ZYG11B: variants seen among roughly 807,000 people sequenced by gnomAD.
ZYG11B encodes zyg-11 family member B, cell cycle regulator.
ZYG11B carries 36 observed loss-of-function variants against 82.4 expected under a neutral mutation model. The ratio of observed to expected loss-of-function variants is 0.44; its 90% CI spans 0.33 to 0.58. The LOEUF (loss-of-function observed/expected upper bound fraction) is 0.58. Ranked by LOEUF, ZYG11B falls within the 20% of genes least tolerant of loss-of-function variation. ZYG11B has a pLI of 0.02. For missense variants in ZYG11B, 552 were observed against 895.6 expected (o/e 0.62, Z 4.90); for synonymous variants, 303 against 312.8 (o/e 0.97, Z 0.33).
intron 10 of ZYG11B, among the ~76,000 whole-genome samples, chr1:52,811,483 G>A (rs1645182366): frequency 6.6e-6 from 1 of 152,090 alleles, no homozygotes; most frequent in African/African-American, 2.4e-5. Context: ...TTTTGTGTGT[G>A]TGAATAGAGA....
At chr1:52,775,858 T>C (rs558519364) in intron 3 of ZYG11B, among the ~76,000 whole-genome samples, 5 of 150,906 alleles carry the variant, frequency 3.3e-5, no homozygotes, top group Admixed American at 6.6e-5. Flanking sequence ...AATATACTTA[T>C]AATTTGAGCA....
chr1:52,802,155 T>G lies in ZYG11B; in HGVS notation c.1695+16T>G, dbSNP rs749636834. On this transcript the variant is annotated intron_variant, in intron 10 of 13. Transcript: ENST00000294353. ...AGGACTTTTGGTAAGATATAAGCAC[T>G]TCCTGCTAAGTTCCAAGCTATATTT... The G allele has an allele frequency of 2.5e-6, 4 of 1,604,896 alleles. No individual in the cohort carries two copies. The Admixed American group carries it at 5.1e-5, about 21-fold the overall frequency.
chr1:52,786,477 G>A (rs147173150), intron 5 of ZYG11B, among the ~76,000 whole-genome samples: 36 of 152,194 alleles, frequency 2.4e-4, no homozygotes, highest in East Asian at 9.7e-4. Context: ...GGCCAGGCAC[G>A]GTGGCTCACG....
At chr1:52,744,198 A>G (rs1221084899) in intron 1 of ZYG11B, among the ~76,000 whole-genome samples, 1 of 152,116 alleles carries the variant, frequency 6.6e-6, no homozygotes. Context: ...CAGCCTCTCA[A>G]AGTGCTGGGA....
At chr1:52,815,838 G>C (rs1035450934) in intron 12 of ZYG11B, among the ~76,000 whole-genome samples, 4 of 152,084 alleles carry the variant, frequency 2.6e-5, no homozygotes, top group Non-Finnish European at 5.9e-5. Context: ...GGGAGGCTGA[G>C]GCAGGAGAAT....
At chr1:52,767,570 T>G (rs1189022438) in intron 2 of ZYG11B, among the ~76,000 whole-genome samples, 2 of 152,184 alleles carry the variant, frequency 1.3e-5, no homozygotes, top group African/African-American at 4.8e-5. Flanking sequence ...CCCAAAGTGC[T>G]GGGATTACAG....
At chr1:52,800,251 G>A (rs1338486220) in intron 8 of ZYG11B, among the ~76,000 whole-genome samples, 1 of 147,816 alleles carries the variant, frequency 6.8e-6, no homozygotes, top group East Asian at 1.9e-4. Flanking sequence ...ACTCCAGCCT[G>A]AGTGATAGAG....
chr1:52,812,358 C>T (rs1402002821), intron 10 of ZYG11B, among the ~76,000 whole-genome samples: 1 of 151,978 alleles, frequency 6.6e-6, no homozygotes, highest in African/African-American at 2.4e-5. Flanking sequence ...GATCAAGTTG[C>T]TCTTCTTGAA....
At chr1:52,798,218 A>C (rs558781477) in intron 8 of ZYG11B, among the ~76,000 whole-genome samples, 1 of 152,280 alleles carries the variant, frequency 6.6e-6, no homozygotes, top group Admixed American at 6.5e-5. Flanking sequence ...AGAAATGGAA[A>C]AAGCCCTGAC....
rs1174129140 is a variant in ZYG11B, at chr1:52,803,083, T to TAC, written c.1695+948_1695+949dup. On this transcript the variant is annotated intron_variant, in intron 10 of 13. Coordinates refer to ENST00000294353, the MANE Select transcript of ZYG11B (RefSeq NM_024646.3). ...ATTTTTGCCACTATATATATATATA[T>TAC]ACACATATATATATACATATATATA... Among the ~76,000 whole-genome samples, 40 of 38,246 alleles carry TAC rather than the reference T, an allele frequency of 1.0e-3. 1 individual carries two copies. Among genetic ancestry groups the TAC allele is most frequent in the Admixed American group, 1.7e-3 (4 of 2,372 alleles). 25.1% of individuals were successfully genotyped at this position (38,246 alleles called of 152,430 possible).
rs1571780524 is a variant in ZYG11B at position 52,789,913 on chromosome 1, TTC to T, written c.1270-88_1270-87del. The T allele has an allele frequency of 9.3e-6, 9 of 963,610 alleles. No homozygotes were observed. In the East Asian group the frequency reaches 1.6e-4, roughly 17 times the overall value. 59.7% of individuals were successfully genotyped at this position (963,610 alleles called of 1,614,324 possible). On this transcript the variant is annotated intron_variant, in intron 5 of 13. Transcript: ENST00000294353. Reference sequence around the variant, plus strand: ...AATAACTGGTGTTTCATCAGTCTTCTTCTTTTTTTTTTTTTATGGAAGCTACC... The same window carrying T: ...AATAACTGGTGTTTCATCAGTCTTCTTTTTTTTTTTTTTATGGAAGCTACC...
chr1:52,764,695 T>C (rs779990570), intron 2 of ZYG11B, among the ~76,000 whole-genome samples: 2 of 152,130 alleles, frequency 1.3e-5, no homozygotes, highest in African/African-American at 2.4e-5. Flanking sequence ...AGTAAACATA[T>C]AGAATTACAG....
At position 52,744,478 on chromosome 1, in the gene ZYG11B, G is replaced by T. The variant is rs188484108; in HGVS notation, c.31-11980G>T. Among the ~76,000 whole-genome samples the T allele has an allele frequency of 2.4e-3, 372 of 152,298 alleles. 1 individual carries two copies. Among genetic ancestry groups the T allele is most frequent in the African/African-American group, 8.1e-3 (338 of 41,548 alleles). ...TAGGATAGAACTGAGTGTCAGAAGA[G>T]CTAGGTAATTTGACCATTGTGATAA... is the stretch of plus-strand genomic sequence containing the variant. On this transcript the variant is annotated intron_variant, in intron 1 of 13. Coordinates refer to ENST00000294353, the MANE Select transcript of ZYG11B (RefSeq NM_024646.3).
chr1:52,805,364 T>G (rs1645133591), intron 10 of ZYG11B: 1 of 407,404 alleles, frequency 2.5e-6, no homozygotes, highest in Non-Finnish European at 5.0e-6. Flanking sequence ...GGAAGACCTA[T>G]CTGTTGTTGT....
intron 1 of ZYG11B, among the ~76,000 whole-genome samples, chr1:52,733,991 A>T (rs1052355418): frequency 6.6e-6 from 1 of 151,454 alleles, no homozygotes; most frequent in African/African-American, 2.4e-5. Flanking sequence ...AATAGACATA[A>T]TTTTTTTTTG....
intron 10 of ZYG11B, among the ~76,000 whole-genome samples, chr1:52,811,051 A>AAAAAAAAAAAGAG (rs1553263650): frequency 7.0e-6 from 1 of 142,908 alleles, no homozygotes. Flanking sequence ...AAAAAAAAAA[A>AAAAAAAAAAAGAG]AGAGAAATTT....
chr1:52,794,217 G>A (rs954145112), intron 6 of ZYG11B, among the ~76,000 whole-genome samples: 3 of 151,896 alleles, frequency 2.0e-5, no homozygotes, highest in African/African-American at 7.3e-5. Context: ...CTTGTGATCC[G>A]CCCACCTCGG....
intron 3 of ZYG11B, among the ~76,000 whole-genome samples, chr1:52,776,219 T>TAAAAAAAAAAAAAAAA (rs1165031214): frequency 4.7e-5 from 2 of 42,498 alleles, no homozygotes; most frequent in African/African-American, 1.5e-4. Context: ...AACTCTGTCT[T>TAAAAAAAAAAAAAAAA]AAAAAAAAAA....
chr1:52,732,299 A>G (rs898877302), intron 1 of ZYG11B, among the ~76,000 whole-genome samples: 1 of 152,240 alleles, frequency 6.6e-6, no homozygotes, highest in African/African-American at 2.4e-5. Flanking sequence ...GTTATTCAGA[A>G]GCACAAGTGG....
Sources: allele counts gnomAD v4.1 joint callset (sites outside exome capture counted in the v4.1 genomes callset), GRCh38; gene constraint gnomAD v4.1.1; transcripts MANE v1.5; gene names NCBI Gene and HGNC (gene_info 2026-07-23, HGNC 2026-07-21).